The following DCLK1 variants were observed in gnomAD, a reference collection of about 807,000 sequenced individuals.
DCLK1 encodes the protein doublecortin like kinase 1.
DCLK1 carries 16 observed loss-of-function variants against 86.2 expected under a neutral mutation model. The ratio of observed to expected loss-of-function variants is 0.19; its 90% CI spans 0.13 to 0.28. The LOEUF (loss-of-function observed/expected upper bound fraction) is 0.28. DCLK1 is among the 10% of genes least tolerant of loss of function. The pLI is 1.00. For synonymous variants in DCLK1, 369 were observed against 370.5 expected (o/e 1.00, Z 0.05); for missense variants, 590 against 940.2 (o/e 0.63, Z 4.87).
chr13:36,047,159 A>G (rs1230843374), intron 3 of DCLK1, among the ~76,000 whole-genome samples: 5 of 152,256 alleles, frequency 3.3e-5, no homozygotes, highest in South Asian at 2.1e-4. Context: ...AATGGCTACT[A>G]TCAAAAAGAC....
intron 6 of DCLK1, among the ~76,000 whole-genome samples, chr13:35,841,936 C>T (rs886760323): frequency 1.3e-5 from 2 of 151,934 alleles, no homozygotes; most frequent in African/African-American, 4.8e-5. Context: ...GACCAAATGC[C>T]CCCTACAGAA....
rs140686685 is a variant in DCLK1 at position 35,909,086 on chromosome 13, C to T, written c.824-37746G>A. 2.8e-3 allele frequency among the ~76,000 whole-genome samples: 427 copies of T among 152,312 alleles called. 5 individuals carry two copies. Among genetic ancestry groups the T allele is most frequent in the African/African-American group, 9.6e-3 (399 of 41,556 alleles). ...ACAGGCTCCTAATTAGATCTGAGCA[C>T]GCTCAGTAGGTATGTTTGGACTGTG... On this transcript the variant is annotated intron_variant, in intron 4 of 16. Coordinates refer to ENST00000360631, the MANE Select transcript of DCLK1 (RefSeq NM_001330071.2).
intron 4 of DCLK1, among the ~76,000 whole-genome samples, chr13:35,905,329 G>A (rs1029309625): frequency 3.3e-5 from 5 of 152,182 alleles, no homozygotes; most frequent in Admixed American, 6.5e-5. Flanking sequence ...CAGTGTAGAG[G>A]TAGACATGTG....
chr13:36,003,683 T>C (rs1593807692), intron 3 of DCLK1, among the ~76,000 whole-genome samples: 2 of 152,236 alleles, frequency 1.3e-5, no homozygotes, highest in East Asian at 3.9e-4. Context: ...ATTGAAAAAC[T>C]ACACAATATA....
chr13:36,056,910 T>A (rs180724414), intron 3 of DCLK1, among the ~76,000 whole-genome samples: 21,421 of 116,624 alleles, frequency 0.18, 1,973 homozygotes, highest in East Asian at 0.45. Flanking sequence ...AAAAAAAATA[T>A]ATATATATAT....
chr13:35,853,737 C>A (rs936728996), intron 6 of DCLK1, among the ~76,000 whole-genome samples: 1 of 152,182 alleles, frequency 6.6e-6, no homozygotes, highest in Non-Finnish European at 1.5e-5. Context: ...TTCCCCCCAC[C>A]TTGCGTCTGA....
intron 16 of DCLK1, among the ~76,000 whole-genome samples, chr13:35,784,121 C>T (rs2086578039): frequency 6.6e-6 from 1 of 152,066 alleles, no homozygotes; most frequent in South Asian, 2.1e-4. Flanking sequence ...TAGAAAAGAG[C>T]ATAGATGTTT....
At chr13:35,900,811 C>T in intron 4 of DCLK1, among the ~76,000 whole-genome samples, 1 of 152,092 alleles carries the variant, frequency 6.6e-6, no homozygotes, top group East Asian at 1.9e-4. Flanking sequence ...GACAAAATCC[C>T]CTCTGTTGAG....
chr13:36,004,010 T>C (rs1261529264), intron 3 of DCLK1, among the ~76,000 whole-genome samples: 1 of 152,158 alleles, frequency 6.6e-6, no homozygotes, highest in Non-Finnish European at 1.5e-5. Context: ...AAAATAATAA[T>C]AGTCACTCTG....
intron 7 of DCLK1, 106 bp downstream of exon 7, chr13:35,838,986 G>T: frequency 9.7e-7 from 1 of 1,033,200 alleles, no homozygotes; most frequent in Non-Finnish European, 1.4e-6. Flanking sequence ...CTCAGGAGCT[G>T]CTCAGCCTTG....
At chr13:35,871,176 T>G in intron 5 of DCLK1, 48 bp downstream of exon 5, 1 of 1,483,194 alleles carries the variant, frequency 6.7e-7, no homozygotes, top group Non-Finnish European at 9.4e-7. Flanking sequence ...CTGCTCATCC[T>G]GTGTCAGGAA....
At chr13:35,918,550 C>A (rs1241637648) in intron 4 of DCLK1, among the ~76,000 whole-genome samples, 1 of 152,154 alleles carries the variant, frequency 6.6e-6, no homozygotes, top group Non-Finnish European at 1.5e-5. Flanking sequence ...TAAAACCAGC[C>A]CTGATTTTAA....
At chr13:36,037,304 G>A (rs1403017020) in intron 3 of DCLK1, among the ~76,000 whole-genome samples, 3 of 152,096 alleles carry the variant, frequency 2.0e-5, no homozygotes, top group Non-Finnish European at 4.4e-5. Context: ...CAGTTAGATA[G>A]AATAAATAAG....
chr13:35,848,640 A>G, intron 6 of DCLK1: 1 of 985,374 alleles, frequency 1.0e-6, no homozygotes, highest in Non-Finnish European at 1.2e-6. Flanking sequence ...CACTTAGAAC[A>G]AATAGCATTT....
At chr13:36,028,456 A>G (rs1882130741) in intron 3 of DCLK1, among the ~76,000 whole-genome samples, 1 of 152,104 alleles carries the variant, frequency 6.6e-6, no homozygotes, top group African/African-American at 2.4e-5. Context: ...CCAGCTTCAT[A>G]TGAGACTCCT....
intron 5 of DCLK1, chr13:35,855,663 G>A (rs1172442052): frequency 3.5e-6 from 5 of 1,436,272 alleles, no homozygotes; most frequent in Non-Finnish European, 4.6e-6. Context: ...CAGGCTGAAT[G>A]AGATGCAGGA....
chr13:35,900,988 A>AT (rs201776360), intron 4 of DCLK1, among the ~76,000 whole-genome samples: 43 of 151,802 alleles, frequency 2.8e-4, no homozygotes, highest in South Asian at 2.1e-3. Context: ...TCAACAAAGT[A>AT]TTTTTTTTTC....
At chr13:35,848,961 T>G in intron 6 of DCLK1, 1 of 985,364 alleles carries the variant, frequency 1.0e-6, no homozygotes, top group Non-Finnish European at 1.2e-6. Flanking sequence ...GTCATTTCTA[T>G]TGGAAACAGT....
At chr13:36,037,759 C>T (rs1882560596) in intron 3 of DCLK1, among the ~76,000 whole-genome samples, 1 of 152,154 alleles carries the variant, frequency 6.6e-6, no homozygotes, top group Non-Finnish European at 1.5e-5. Flanking sequence ...GCTGGGATTA[C>T]AGGCATGAGC....
Sources: allele counts gnomAD v4.1 joint callset (sites outside exome capture counted in the v4.1 genomes callset), GRCh38; gene constraint gnomAD v4.1.1; transcripts MANE v1.5; gene names NCBI Gene and HGNC (gene_info 2026-07-23, HGNC 2026-07-21).